The following SMG1 variants were observed in gnomAD, a reference collection of about 807,000 sequenced individuals.
SMG1 encodes SMG1 nonsense mediated mRNA decay associated PI3K related kinase.
SMG1 carries 22 observed loss-of-function variants against 419.9 expected under a neutral mutation model. The observed-to-expected ratio is 0.05, with a 90% CI of 0.04 to 0.07. The LOEUF (loss-of-function observed/expected upper bound fraction) is 0.07, where lower values mean the gene tolerates loss of function less well. SMG1 is among the 10% of genes least tolerant of loss of function. SMG1 has a pLI of 1.00. For missense variants in SMG1, 3,185 were observed against 4,342.0 expected, an observed-to-expected ratio of 0.73 and a Z score of 7.49; for synonymous variants, 1,538 against 1,553.5, an observed-to-expected ratio of 0.99 and a Z score of 0.23.
At chr16:18,910,284 G>A (rs552921183) in intron 1 of SMG1, among the ~76,000 whole-genome samples, 3 of 148,616 alleles carry the variant, frequency 2.0e-5, no homozygotes, top group African/African-American at 5.0e-5. Context: ...AGGCTGGAGT[G>A]CAGTGGTGTG....
rs551195011 is a variant in SMG1, at chr16:18,813,396, T to C, written c.10622-1269A>G. Among the ~76,000 whole-genome samples the C allele has an allele frequency of 1.6e-3, 250 of 152,352 alleles. 1 individual carries two copies. Among genetic ancestry groups the C allele is most frequent in the African/African-American group, 5.7e-3 (238 of 41,576 alleles). ...GTGAGATGGTATCTCATTGTGGTTT[T>C]GATTTGCATTTCTCTGATGGCCAGT... is the stretch of plus-strand genomic sequence containing the variant. On this transcript the variant is annotated intron_variant, in intron 60 of 62. Coordinates refer to ENST00000446231, the MANE Select transcript of SMG1 (RefSeq NM_015092.5).
At chr16:18,881,657 G>A (rs2036403203) in intron 10 of SMG1, among the ~76,000 whole-genome samples, 1 of 152,052 alleles carries the variant, frequency 6.6e-6, no homozygotes, top group African/African-American at 2.4e-5. Flanking sequence ...ATACAGTGCA[G>A]CTAATGTTTG....
chr16:18,868,304 T>G lies in SMG1; in HGVS notation c.3081A>C (p.Leu1027=), dbSNP rs1200582070. The stretch of plus-strand genomic sequence containing the variant: ...TCATGATGGAGAGTCGAATCCGCGT[T>G]AGCCAGTCCTGACAAGTTTGGCGAT... ...YTNRQTCQDW[L]TRIRLSIMRV... is the part of the protein sequence containing the mutation. The change falls in exon 22 of 63, where the codon CTA becomes CTC. Residue 1027 remains leucine, a synonymous_variant. Transcript: ENST00000446231. The G allele has an allele frequency of 6.8e-7, 1 of 1,479,690 alleles. No homozygotes were observed. The highest frequency in any genetic ancestry group is 9.1e-7 in the Non-Finnish European group (1 of 1,094,768). 91.7% of individuals were successfully genotyped at this position (1,479,690 alleles called of 1,614,324 possible).
In SMG1 at chr16:18,838,686, A is replaced by G; in HGVS notation, c.6949T>C (p.Tyr2317His). 1 of 1,595,208 alleles carries G rather than the reference A, an allele frequency of 6.3e-7. No individual in the cohort carries two copies. The highest frequency in any genetic ancestry group is 2.2e-5 in the East Asian group (1 of 44,666). ...GACATGACTGCAGTAGATCTTGCAT[A>G]AGACTAAAGGAAAGGAAATGGGGGC... ...PDEWWRVTQS[Y>H]ARSTAVMSMV... Residue 2317 changes from tyrosine (Y) to histidine (H), a missense_variant, in exon 43 of 63, where the codon TAT becomes CAT. Tyr to His is a moderately conservative substitution (Grantham distance 83). Transcript: ENST00000446231.
intron 7 of SMG1, 106 bp from the exon 8 acceptor site, chr16:18,885,268 T>C (rs1405576932): frequency 2.9e-5 from 19 of 650,080 alleles, no homozygotes; most frequent in Non-Finnish European, 4.5e-5. Context: ...ATCTATGTTC[T>C]ACCTACTTGA....
Position 18,833,018 on chromosome 16 carries a change from T to A in SMG1, c.8714A>T (p.Glu2905Val). Residue 2905 changes from glutamate (E) to valine (V), a missense_variant, in exon 51 of 63, where the codon GAA becomes GTA. Transcript: ENST00000446231. ...TDGVPLQTLV[E>V]SLQAYLRNAA... is the part of the protein sequence containing the mutation. Reference sequence around the variant, plus strand: ...GTTTCTTAAGTAGGCCTGAAGAGATTCCACTAGAGTCTGCAGGGGAACGCC... The same window carrying A: ...GTTTCTTAAGTAGGCCTGAAGAGATACCACTAGAGTCTGCAGGGGAACGCC... 1 of 1,613,992 alleles carries A rather than the reference T, an allele frequency of 6.2e-7. No homozygotes were observed. Among genetic ancestry groups the A allele is most frequent in the Non-Finnish European group, 8.5e-7 (1 of 1,179,888 alleles).
At position 18,858,250 on chromosome 16, in the gene SMG1, C is replaced by A. The variant is rs1427839231; in HGVS notation, c.4154G>T (p.Cys1385Phe). 1 of 1,609,776 alleles carries A rather than the reference C, an allele frequency of 6.2e-7. No individual in the cohort carries two copies. Among genetic ancestry groups the A allele is most frequent in the Admixed American group, 1.7e-5 (1 of 59,418 alleles). Residue 1385 changes from cysteine (C) to phenylalanine (F), a missense_variant, in exon 29 of 63, where the codon TGT (cysteine) becomes TTT (phenylalanine). Cys to Phe is a radical substitution (Grantham distance 205, BLOSUM62 -2). Transcript: ENST00000446231. The part of the protein sequence containing the change: ...IPLFSEALRS[C>F]KQHDVRPWMQ... ...CCATGGCCTCACGTCATGCTGTTTA[C>A]ATGAACGTAAAGCTTCACTGAAGAG...
At position 18,807,333 on chromosome 16, in the gene SMG1, T is replaced by A. The variant is rs1352968492; in HGVS notation, c.*2236A>T. The A allele has an allele frequency of 6.6e-6, 1 of 152,180 alleles. No individual in the cohort carries two copies. Among genetic ancestry groups the A allele is most frequent in the Non-Finnish European group, 1.5e-5 (1 of 68,024 alleles). 9.4% of individuals were successfully genotyped at this position (152,180 alleles called of 1,614,324 possible). On this transcript the variant is annotated 3_prime_UTR_variant, in exon 63 of 63. Coordinates refer to ENST00000446231, the MANE Select transcript of SMG1 (RefSeq NM_015092.5). ...GACTTTAATCTTGAGAGAGCAGAGG[T>A]AATGTGATGAATGTAATTTGCTCCC...
chr16:18,834,093 G>T, intron 50 of SMG1, 111 bp downstream of exon 50: 2 of 744,484 alleles, frequency 2.7e-6, no homozygotes, highest in Non-Finnish European at 2.2e-6. Context: ...TTAAATGACT[G>T]GTTGAGCAAC....
intron 54 of SMG1, among the ~76,000 whole-genome samples, 168 bp downstream of exon 54, chr16:18,829,118 G>A (rs766965081): frequency 1.3e-5 from 2 of 152,048 alleles, no homozygotes; most frequent in African/African-American, 2.4e-5. Context: ...GAAGAGAAAC[G>A]AAGTATCATT....
chr16:18,847,671 A>G, intron 37 of SMG1, 64 bp from the exon 38 acceptor site: 1 of 1,601,014 alleles, frequency 6.2e-7, no homozygotes, highest in African/African-American at 1.3e-5. Context: ...CTCTTCAAAC[A>G]CTGGACTTTG....
chr16:18,816,206 T>G, intron 58 of SMG1, 96 bp downstream of exon 58: 1 of 958,398 alleles, frequency 1.0e-6, no homozygotes, highest in Admixed American at 2.8e-5. Flanking sequence ...GATAAATTGT[T>G]ATTTACAAAA....
intron 23 of SMG1, 134 bp from the exon 24 acceptor site, chr16:18,864,278 C>T (rs1384722819): frequency 1.4e-6 from 1 of 727,118 alleles, no homozygotes; most frequent in Non-Finnish European, 2.1e-6. Flanking sequence ...TCAATGCAAC[C>T]TCTGCCTCCT....
chr16:18,813,594 T>G (rs1186853306), intron 60 of SMG1, among the ~76,000 whole-genome samples: 1 of 152,212 alleles, frequency 6.6e-6, no homozygotes, highest in East Asian at 1.9e-4. Flanking sequence ...TGCAAAAATT[T>G]TCTCCCATTC....
intron 39 of SMG1, among the ~76,000 whole-genome samples, chr16:18,844,321 C>T (rs1032658021): frequency 7.3e-5 from 11 of 151,542 alleles, no homozygotes; most frequent in Non-Finnish European, 1.0e-4. Context: ...CCCAGCTACA[C>T]GGGAGGCTGA....
At chr16:18,924,481 T>C (rs1168729611) in intron 1 of SMG1, among the ~76,000 whole-genome samples, 2 of 152,212 alleles carry the variant, frequency 1.3e-5, no homozygotes, top group African/African-American at 4.8e-5. Flanking sequence ...GAAAATCCAT[T>C]GTCATTTATT....
At chr16:18,832,530 AACT>A (rs535668288) in intron 51 of SMG1, among the ~76,000 whole-genome samples, 91 of 152,268 alleles carry the variant, frequency 6.0e-4, no homozygotes, top group Middle Eastern at 3.4e-3. Context: ...ACATGTACAT[AACT>A]ACAAGCACTA....
At chr16:18,894,955 C>T (rs2037053099) in intron 3 of SMG1, among the ~76,000 whole-genome samples, 3 of 151,926 alleles carry the variant, frequency 2.0e-5, no homozygotes, top group Admixed American at 2.0e-4. Flanking sequence ...GTAGCTGGGG[C>T]TACAGGCGCC....
chr16:18,893,638 A>C (rs562262032), intron 3 of SMG1, among the ~76,000 whole-genome samples: 187 of 152,050 alleles, frequency 1.2e-3, no homozygotes, highest in African/African-American at 4.0e-3. Context: ...ACAAAAAAAA[A>C]CCTCAATTTT....
Sources: allele counts gnomAD v4.1 joint callset (sites outside exome capture counted in the v4.1 genomes callset), GRCh38; gene constraint gnomAD v4.1.1; transcripts MANE v1.5; gene names NCBI Gene and HGNC (gene_info 2026-07-23, HGNC 2026-07-21).